NOS3: variants seen among roughly 807,000 people sequenced by gnomAD.
The protein encoded by NOS3 is NOS type III.
Under a neutral mutation model 144.9 loss-of-function variants are expected in NOS3, and 98 were observed. The ratio of observed to expected loss-of-function variants is 0.68; its 90% CI spans 0.57 to 0.80. The LOEUF (loss-of-function observed/expected upper bound fraction) is 0.80, where lower values mean the gene tolerates loss of function less well. Among genes scored for constraint, NOS3 ranks in the 30% least tolerant of loss-of-function variants. The pLI, the probability that NOS3 is intolerant of heterozygous loss-of-function variation, is 0.00. For missense variants in NOS3, 1,465 were observed against 1,656.4 expected, an observed-to-expected ratio of 0.88 and a Z score of 2.01; for synonymous variants, 714 against 702.4, an observed-to-expected ratio of 1.02 and a Z score of -0.26.
In NOS3 at chr7:150,996,886, T is replaced by G. The variant is rs1231252212; in HGVS notation, c.543T>G (p.Ala181=). Residue 181 remains alanine (A), a synonymous_variant, in exon 5 of 27, where the codon GCT becomes GCG. Transcript: ENST00000297494. ...VFGAKQAWRN[A]PRCVGRIQWG... ...GGGCTAAGCAGGCCTGGCGCAACGC[T>G]CCCCGCTGCGTGGGCCGGATCCAGT... 9 of 1,582,706 alleles carry G rather than the reference T, an allele frequency of 5.7e-6. No individual in the cohort carries two copies. Among genetic ancestry groups the G allele is most frequent in the Non-Finnish European group, 6.9e-6 (8 of 1,165,472 alleles).
Position 151,013,910 on chromosome 7 carries a change from G to A in NOS3, c.3442G>A (p.Val1148Met). 6.3e-7 allele frequency: 1 copy of A among 1,599,220 alleles called. No homozygotes were observed. The highest frequency in any genetic ancestry group is 8.5e-7 in the Non-Finnish European group (1 of 1,173,122). ...ELDEAGDVIGVLRDQQRYHED... is the reference protein window; with the variant it reads ...ELDEAGDVIGMLRDQQRYHED... ...GGACGAGGCCGGCGACGTCATCGGCGTGCTGCGGGTGCGGAGGGGCGGGCC... is the reference window on the plus strand; with the variant it reads ...GGACGAGGCCGGCGACGTCATCGGCATGCTGCGGGTGCGGAGGGGCGGGCC... Residue 1148 changes from valine (V) to methionine (M), a missense_variant, in exon 26 of 27, where the codon GTG (valine) becomes ATG (methionine). Physicochemically the swap from Val to Met is conservative, Grantham distance 21 (BLOSUM62 1). Transcript: ENST00000297494.
chr7:151,009,163 C>T, intron 18 of NOS3, 26 bp from the exon 19 acceptor site: 1 of 1,613,462 alleles, frequency 6.2e-7, no homozygotes, highest in Non-Finnish European at 8.5e-7. Context: ...GCTCAGGCTG[C>T]CTCATTTGCC....
In NOS3 at chr7:150,998,030, C is replaced by T. The variant is rs1375622364; in HGVS notation, c.583-327C>T. Among the ~76,000 whole-genome samples, 1 of 152,210 alleles carries T rather than the reference C, an allele frequency of 6.6e-6. No individual in the cohort carries two copies. The highest frequency in any genetic ancestry group is 2.4e-5 in the African/African-American group (1 of 41,444). The stretch of plus-strand genomic sequence containing the variant: ...CATGGGGGATTTGCTGCCCACACTC[C>T]TAGGCGGCCTCTTAGACATCCGTTG... On this transcript the variant is annotated intron_variant, in intron 5 of 26. Transcript: ENST00000297494. The surrounding 1 kb of genome is among the most constrained non-coding windows in gnomAD (Gnocchi z 5.0).
Position 150,996,933 on chromosome 7 carries a change from T to C in NOS3, c.582+8T>C, listed in dbSNP as rs1563213767. Reference sequence around the variant, plus strand: ...CAGTGGGGGAAGCTGCAGGTGCGGCTGGCCAGCGACTGAGAGACCCGGGCG... The same window carrying C: ...CAGTGGGGGAAGCTGCAGGTGCGGCCGGCCAGCGACTGAGAGACCCGGGCG... On this transcript the variant is annotated splice_region_variant and intron_variant, in intron 5 of 26. Coordinates refer to ENST00000297494, the MANE Select transcript of NOS3 (RefSeq NM_000603.5). 1.3e-6 allele frequency: 2 copies of C among 1,556,166 alleles called. No individual in the cohort carries two copies. The highest frequency in any genetic ancestry group is 1.9e-5 in the Admixed American group (1 of 52,520).
rs542315150 is a variant in NOS3 at position 151,004,597 on chromosome 7, T to TCGCA, written c.1753-1828_1753-1825dup. 3.3e-5 allele frequency among the ~76,000 whole-genome samples: 5 copies of TCGCA among 152,268 alleles called. No homozygotes were observed. In the East Asian group the frequency reaches 7.7e-4, roughly 23 times the overall value. On this transcript the variant is annotated intron_variant, in intron 14 of 26. Transcript: ENST00000297494. ...AATTGTGGTATATTCAAGTGCCATA[T>TCGCA]CGCACTAAGTGTGAACGAAACACAA...
In NOS3 at chr7:150,993,986, G is replaced by T. The variant is rs1802312497; in HGVS notation, c.158+25G>T. 6.5e-7 allele frequency: 1 copy of T among 1,543,558 alleles called. No homozygotes were observed. Among genetic ancestry groups the T allele is most frequent in the Non-Finnish European group, 8.7e-7 (1 of 1,149,028 alleles). ...GGTAAGGGCCAGGCAGCTAGGAGCA[G>T]GTGGGCAACAAGGGTGGTGTCAAGG... On this transcript the variant is annotated intron_variant, in intron 2 of 26. Coordinates refer to ENST00000297494, the MANE Select transcript of NOS3 (RefSeq NM_000603.5). This position sits in a 1 kb window ranked among gnomAD's most constrained non-coding sequence, Gnocchi z 4.0.
rs755294998 is a variant in NOS3 at position 151,001,311 on chromosome 7, G to C, written c.1314G>C (p.Arg438Ser). 32 of 1,613,782 alleles carry C rather than the reference G, an allele frequency of 2.0e-5. No individual in the cohort carries two copies. The highest frequency in any genetic ancestry group is 3.3e-4 in the Middle Eastern group (2 of 6,058). Reference protein sequence around the residue: ...MKHLENEQKARGGCPADWAWI... With the variant: ...MKHLENEQKASGGCPADWAWI... ...ACCTGGAGAATGAGCAGAAGGCCAG[G>C]GGGGGCTGCCCTGCAGACTGGGCCT... The change falls in exon 11 of 27, where the codon AGG becomes AGC. Residue 438 changes from arginine (R) to serine (S), a missense_variant. Around this residue, in one of 5 missense-constraint regions of NOS3, gnomAD observed 745 missense variants for 853.9 expected, o/e 0.87. Coordinates refer to ENST00000297494, the MANE Select transcript of NOS3 (RefSeq NM_000603.5).
chr7:150,999,564 G>A (rs1158207527), intron 9 of NOS3, among the ~76,000 whole-genome samples, 200 bp downstream of exon 9: 1 of 152,082 alleles, frequency 6.6e-6, no homozygotes, highest in East Asian at 1.9e-4. Flanking sequence ...GGGGGTGTGA[G>A]TGGGTGAGTG....
chr7:151,000,681 A>G (rs1407915505), intron 10 of NOS3, 82 bp downstream of exon 10: 7 of 883,050 alleles, frequency 7.9e-6, no homozygotes, highest in Admixed American at 5.9e-5. Context: ...AGAGGCAGCC[A>G]TTTAGAAACT....
Position 151,010,897 on chromosome 7 carries a change from A to G in NOS3, c.2897-2A>G. 12 of 1,612,902 alleles carry G rather than the reference A, an allele frequency of 7.4e-6. No individual in the cohort carries two copies. Among genetic ancestry groups the G allele is most frequent in the Non-Finnish European group, 1.0e-5 (12 of 1,179,188 alleles). On this transcript the variant is annotated splice_acceptor_variant, in intron 22 of 26. Coordinates refer to ENST00000297494, the MANE Select transcript of NOS3 (RefSeq NM_000603.5). LOFTEE classifies it high-confidence loss of function. ...TCACCGGCCTCTCCTTCCCACCCCC[A>G]GATGGGCTGGGCCCCCTGCACTATG...
rs1795155301 is a variant in NOS3 at position 151,003,426 on chromosome 7, C to T, written c.1752+1122C>T. On this transcript the variant is annotated intron_variant, in intron 14 of 26. Coordinates refer to ENST00000297494, the MANE Select transcript of NOS3 (RefSeq NM_000603.5). This position sits in a 1 kb window ranked among gnomAD's most constrained non-coding sequence, Gnocchi z 4.1. ...TAGACGTGAGCCACTGCACCTGGCC[C>T]TCAGTATCTTAAGCAAGTTGGAATC... 3 of 1,219,930 alleles carry T rather than the reference C, an allele frequency of 2.5e-6. No individual in the cohort carries two copies. The highest frequency in any genetic ancestry group is 3.1e-6 in the Non-Finnish European group (3 of 953,058). 75.6% of individuals were successfully genotyped at this position (1,219,930 alleles called of 1,614,324 possible).
At chr7:151,007,503 C>A (rs1795224542) in intron 17 of NOS3, among the ~76,000 whole-genome samples, 1 of 152,172 alleles carries the variant, frequency 6.6e-6, no homozygotes, top group Non-Finnish European at 1.5e-5. Context: ...CGAAAGAGAG[C>A]AGGCAGGGCC....
Position 151,001,214 on chromosome 7 carries a change from C to T in NOS3, c.1234-17C>T, listed in dbSNP as rs754991283. 6.2e-6 allele frequency: 10 copies of T among 1,610,724 alleles called. No homozygotes were observed. In the South Asian group the frequency reaches 6.6e-5, roughly 11 times the overall value. On this transcript the variant is annotated splice_polypyrimidine_tract_variant and intron_variant, in intron 10 of 26. Coordinates refer to ENST00000297494, the MANE Select transcript of NOS3 (RefSeq NM_000603.5). ...GTGGGTCTGGTTTGAGCCTCTCCCC[C>T]TCTCTCTCCCTTCCAGCTAGCCAAA...
rs1166111029 is a variant in NOS3 at position 151,014,132 on chromosome 7, C to T, written c.3575C>T (p.Ala1192Val). ...ERQLRGAVPW[A>V]FDPPGSDTNS... The stretch of plus-strand genomic sequence containing the variant: ...CAGTTGCGGGGCGCAGTGCCCTGGG[C>T]GTTCGACCCTCCCGGCTCAGACACC... The change falls in exon 27 of 27, where the codon GCG (alanine) becomes GTG (valine). Residue 1192 changes from alanine (A) to valine (V), a missense_variant. Ala to Val is a moderately conservative substitution (Grantham distance 64). This residue lies in a region of NOS3 where 228 missense variants were observed against 227.7 expected (regional missense o/e 1.00). Transcript: ENST00000297494. 2 of 1,611,612 alleles carry T rather than the reference C, an allele frequency of 1.2e-6. No homozygotes were observed. Among genetic ancestry groups the T allele is most frequent in the Non-Finnish European group, 1.7e-6 (2 of 1,178,512 alleles).
chr7:150,999,078 C>G lies in NOS3; in HGVS notation c.949C>G (p.His317Asp). 1.2e-6 allele frequency: 2 copies of G among 1,612,648 alleles called. No homozygotes were observed. Among genetic ancestry groups the G allele is most frequent in the Non-Finnish European group, 1.7e-6 (2 of 1,179,918 alleles). ...GCTGGTCCTTGAGGTGCCCCTGGAG[C>G]ACCCCACGTGAGCACCAAAGGGATT... ...PELVLEVPLE[H>D]PTLEWFAALG... The change falls in exon 8 of 27, where the codon CAC becomes GAC. Residue 317 changes from histidine to aspartate, a missense_variant. Around this residue, in one of 5 missense-constraint regions of NOS3, gnomAD observed 745 missense variants for 853.9 expected, o/e 0.87. Transcript: ENST00000297494.
At position 151,002,149 on chromosome 7, in the gene NOS3, C is replaced by T; in HGVS notation, c.1648-51C>T. ...GCCAGGGAGGCCAGAGTGAGGAGGG[C>T]AGGGCCTCCGGGGGCCACAGCACCC... is the stretch of plus-strand genomic sequence containing the variant. On this transcript the variant is annotated intron_variant, in intron 13 of 26. Coordinates refer to ENST00000297494, the MANE Select transcript of NOS3 (RefSeq NM_000603.5). This position sits in a 1 kb window ranked among gnomAD's most constrained non-coding sequence, Gnocchi z 4.1. 1 of 1,433,206 alleles carries T rather than the reference C, an allele frequency of 7.0e-7. No individual in the cohort carries two copies. The highest frequency in any genetic ancestry group is 9.7e-7 in the Non-Finnish European group (1 of 1,034,492). 88.8% of individuals were successfully genotyped at this position (1,433,206 alleles called of 1,614,324 possible).
At chr7:150,999,399 A>T (rs1165464541) in intron 9 of NOS3, 35 bp downstream of exon 9, 3 of 1,531,934 alleles carry the variant, frequency 2.0e-6, no homozygotes, top group African/African-American at 1.4e-5. Flanking sequence ...CACCGAATGC[A>T]CCTGTCCAAG....
chr7:151,013,326 G>C lies in NOS3; in HGVS notation c.3202G>C (p.Gly1068Arg), dbSNP rs762963828. 3.1e-6 allele frequency: 5 copies of C among 1,614,000 alleles called. No individual in the cohort carries two copies. The South Asian group carries it at 5.5e-5, about 18-fold the overall frequency. The stretch of plus-strand genomic sequence containing the variant: ...CGAGGTGCAGAACGCCCAGCAGCGC[G>C]GGGTGTTTGGCCGAGTCCTCACCGC... ...RDEVQNAQQRGVFGRVLTAFS... is the reference protein window; with the variant it reads ...RDEVQNAQQRRVFGRVLTAFS... Residue 1068 changes from glycine to arginine, a missense_variant, in exon 25 of 27, where the codon GGG becomes CGG. Gly to Arg is a moderately radical substitution (Grantham distance 125, BLOSUM62 -2). This residue lies in a region of NOS3 where 228 missense variants were observed against 227.7 expected (regional missense o/e 1.00). Transcript: ENST00000297494.
At position 151,001,897 on chromosome 7, in the gene NOS3, G is replaced by A. The variant is rs757144684; in HGVS notation, c.1579G>A (p.Glu527Lys). The A allele has an allele frequency of 1.3e-5, 21 of 1,613,558 alleles. No individual in the cohort carries two copies. Among genetic ancestry groups the A allele is most frequent in the African/African-American group, 2.7e-5 (2 of 74,944 alleles). The change falls in exon 13 of 27, where the codon GAG (glutamate) becomes AAG (lysine). Residue 527 changes from glutamate (E) to lysine (K), a missense_variant. Glu to Lys is a moderately conservative substitution (Grantham distance 56). Transcript: ENST00000297494. Reference protein sequence around the residue: ...RVKATILYGSETGRAQSYAQQ... With the variant: ...RVKATILYGSKTGRAQSYAQQ... ...GAAGGCGACAATCCTGTATGGCTCC[G>A]AGACCGGCCGGGCCCAGAGCTACGC...
Sources: gnomAD v4.1 joint callset for allele counts (sites outside exome capture counted in the v4.1 genomes callset) on GRCh38, gnomAD v4.1.1 for gene constraint, gnomAD v4.1.1 regional missense constraint, Gnocchi (gnomAD v3.1) non-coding constraint, MANE v1.5 for transcripts, NCBI Gene and HGNC (gene_info 2026-07-23, HGNC 2026-07-21) for gene names.